TAPBPL: variants seen among roughly 807,000 people sequenced by gnomAD.
TAPBPL encodes the protein TAP binding protein like.
TAPBPL carries 32 observed loss-of-function variants against 44.8 expected under a neutral mutation model. That is an observed-to-expected ratio of 0.71 (90% CI 0.54 to 0.96). The LOEUF is 0.96. Ranked by LOEUF, TAPBPL falls within the 40% of genes least tolerant of loss-of-function variation. TAPBPL has a pLI of 0.00. For synonymous variants in TAPBPL, 230 were observed against 240.7 expected, an observed-to-expected ratio of 0.96 and a Z score of 0.41; for missense variants, 520 against 586.6, an observed-to-expected ratio of 0.89 and a Z score of 1.17.
At chr12:6,461,372 G>A (rs1949855418) in intron 6 of TAPBPL, 12 of 1,016,190 alleles carry the variant, frequency 1.2e-5, no homozygotes, top group Non-Finnish European at 1.4e-5. Context: ...CCAGATGGAG[G>A]ATAAGACCAA....
rs376321004 is a variant in TAPBPL, at chr12:6,453,155, C to T, written c.153C>T (p.Leu51=). ...AGGACGGTGCGCACCGTGGAGCTCT[C>T]GCCAGCAGTGAGGACAGGGCAAGGG... ...LAKDGAHRGA[L]ASSEDRARAS... is the part of the protein sequence containing the mutation. Residue 51 remains leucine (L), a synonymous_variant, in exon 2 of 7, where the codon CTC becomes CTT. Transcript: ENST00000266556. The surrounding 1 kb of genome is among the most constrained non-coding windows in gnomAD (Gnocchi z 4.8). 1.2e-5 allele frequency: 20 copies of T among 1,604,776 alleles called. No individual in the cohort carries two copies. Among genetic ancestry groups the T allele is most frequent in the East Asian group, 6.7e-5 (3 of 44,566 alleles).
downstream of TAPBPL, chr12:6,464,048 C>G (rs1003001207): frequency 4.6e-6 from 6 of 1,297,084 alleles, no homozygotes; most frequent in Non-Finnish European, 5.0e-6. Context: ...ATCTTCCCAG[C>G]CCCTCCCTAG....
downstream of TAPBPL, chr12:6,470,783 A>G (rs978705145): frequency 1.6e-5 from 9 of 573,188 alleles, no homozygotes; most frequent in African/African-American, 1.7e-4. Flanking sequence ...GCCCAGCGCT[A>G]CAGGCCTAGC....
At chr12:6,457,092 A>G (rs1425077915) in intron 3 of TAPBPL, among the ~76,000 whole-genome samples, 2 of 152,172 alleles carry the variant, frequency 1.3e-5, no homozygotes, top group East Asian at 1.9e-4. Flanking sequence ...TTTTTCTGCT[A>G]CTCTAGTAGT....
downstream of TAPBPL, chr12:6,466,328 G>C (rs375340840): frequency 2.5e-6 from 4 of 1,613,800 alleles, no homozygotes; most frequent in African/African-American, 4.0e-5. Flanking sequence ...TGTCCCTTCA[G>C]CAGGTGGCTG....
At chr12:6,463,408 C>T, downstream of TAPBPL, 3 of 1,058,670 alleles carry the variant, frequency 2.8e-6, no homozygotes, top group South Asian at 6.0e-5. This position sits in a 1 kb window ranked among gnomAD's most constrained non-coding sequence, Gnocchi z 4.0. Context: ...TGCCTCATCC[C>T]TGTCTTTGGC....
At chr12:6,471,115 C>G (rs1176900023), downstream of TAPBPL, 1 of 154,918 alleles carries the variant, frequency 6.5e-6, no homozygotes, top group Non-Finnish European at 1.4e-5. This position sits in a 1 kb window ranked among gnomAD's most constrained non-coding sequence, Gnocchi z 4.0. Flanking sequence ...GTGCCCTGCT[C>G]TGGCCCTCGC....
chr12:6,464,364 G>A (rs1949951171), downstream of TAPBPL: 1 of 1,551,794 alleles, frequency 6.4e-7, no homozygotes, highest in East Asian at 2.4e-5. Flanking sequence ...AGAAGCCTGG[G>A]CTGGAATGGA....
At chr12:6,467,978 G>A (rs1945670869), downstream of TAPBPL, among the ~76,000 whole-genome samples, 2 of 152,258 alleles carry the variant, frequency 1.3e-5, no homozygotes, top group Admixed American at 6.5e-5. Flanking sequence ...GTATGGAAAC[G>A]CCTGGATGTC....
chr12:6,458,983 C>T (rs755216867), intron 5 of TAPBPL, 36 bp downstream of exon 5: 4 of 1,597,066 alleles, frequency 2.5e-6, no homozygotes, highest in South Asian at 1.1e-5. Context: ...CACCTCCACA[C>T]TAGGGCTCAT....
chr12:6,459,409 G>A lies in TAPBPL; in HGVS notation c.1207+462G>A, dbSNP rs141673545. ...AGTAATTCAGCACAGCTAGAGCTTAGGGTATATGGGAAAAAGGGAAAGTGG... is the reference window on the plus strand; with the variant it reads ...AGTAATTCAGCACAGCTAGAGCTTAAGGTATATGGGAAAAAGGGAAAGTGG... On this transcript the variant is annotated intron_variant, in intron 5 of 6. Transcript: ENST00000266556. 2.2e-3 allele frequency among the ~76,000 whole-genome samples: 330 copies of A among 152,350 alleles called. 1 individual carries two copies. Among genetic ancestry groups the A allele is most frequent in the African/African-American group, 7.6e-3 (314 of 41,578 alleles).
chr12:6,470,667 T>A (rs1026952920), downstream of TAPBPL: 133 of 1,132,462 alleles, frequency 1.2e-4, no homozygotes, highest in Admixed American at 2.0e-5. Flanking sequence ...CTAGCTGCGC[T>A]GGAACTTACT....
Position 6,453,376 on chromosome 12 carries a change from CAT to C in TAPBPL, c.296-69_296-68del. 6.2e-7 allele frequency: 1 copy of C among 1,608,130 alleles called. No individual in the cohort carries two copies. The highest frequency in any genetic ancestry group is 8.5e-7 in the Non-Finnish European group (1 of 1,176,452). On this transcript the variant is annotated intron_variant, in intron 2 of 6. Coordinates refer to ENST00000266556, the MANE Select transcript of TAPBPL (RefSeq NM_018009.5). The surrounding 1 kb of genome is among the most constrained non-coding windows in gnomAD (Gnocchi z 4.8). ...AGCCCAGGTCCCGATTACAGCCACA[CAT>C]ACTGCCTCCCGTTGGCCCTGGTGTT...
intron 3 of TAPBPL, among the ~76,000 whole-genome samples, chr12:6,455,572 C>T (rs1032905300): frequency 4.6e-5 from 7 of 152,128 alleles, no homozygotes; most frequent in African/African-American, 4.8e-5. Flanking sequence ...TCTCCCCACA[C>T]GACTGCCTAG....
chr12:6,457,487 T>C lies in TAPBPL; in HGVS notation c.647T>C (p.Met216Thr), dbSNP rs1241740832. The C allele has an allele frequency of 1.9e-6, 3 of 1,614,216 alleles. No homozygotes were observed. The highest frequency in any genetic ancestry group is 1.7e-6 in the Non-Finnish European group (2 of 1,180,040). ...GCCTCCTTGGACTGTGGCTTCTCCA[T>C]GGCACCGGGCTTGGACCTCATCAGT... ...SSASLDCGFS[M>T]APGLDLISVE... Residue 216 changes from methionine (M) to threonine (T), a missense_variant, in exon 4 of 7, where the codon ATG (methionine) becomes ACG (threonine). Coordinates refer to ENST00000266556, the MANE Select transcript of TAPBPL (RefSeq NM_018009.5).
At chr12:6,452,956 G>A (rs1949596629) in intron 1 of TAPBPL, 111 bp from the exon 2 acceptor site, 1 of 1,145,130 alleles carries the variant, frequency 8.7e-7, no homozygotes, top group Admixed American at 2.4e-5. Context: ...CTAGGATCTT[G>A]GATGGCAACT....
intron 6 of TAPBPL, 153 bp downstream of exon 6, chr12:6,461,091 T>C (rs1177860631): frequency 7.5e-6 from 11 of 1,457,462 alleles, no homozygotes; most frequent in African/African-American, 1.4e-5. Context: ...TAAATGAAAA[T>C]GAAACCAGTC....
At chr12:6,461,998 C>G (rs566314360) in intron 6 of TAPBPL, 36 bp from the exon 7 acceptor site, 36 of 1,567,414 alleles carry the variant, frequency 2.3e-5, no homozygotes, top group Non-Finnish European at 2.8e-5. Flanking sequence ...GTGTGAGATG[C>G]CCACGCAACT....
At position 6,455,280 on chromosome 12, in the gene TAPBPL, T is replaced by C. The variant is rs558649999; in HGVS notation, c.565+1564T>C. ...CATGTTTGAACCCCGAAACGCATGT[T>C]TAAACCCCAAATACATCCATAGCAT... On this transcript the variant is annotated intron_variant, in intron 3 of 6. Coordinates refer to ENST00000266556, the MANE Select transcript of TAPBPL (RefSeq NM_018009.5). 2.0e-5 allele frequency among the ~76,000 whole-genome samples: 3 copies of C among 152,226 alleles called. No individual in the cohort carries two copies. The South Asian group carries it at 6.2e-4, about 32-fold the overall frequency.
Sources: gnomAD v4.1 joint callset for allele counts (sites outside exome capture counted in the v4.1 genomes callset) on GRCh38, gnomAD v4.1.1 for gene constraint, Gnocchi (gnomAD v3.1) non-coding constraint, MANE v1.5 for transcripts, NCBI Gene and HGNC (gene_info 2026-07-23, HGNC 2026-07-21) for gene names.